CA1: variants seen among roughly 807,000 people sequenced by gnomAD.
CA1 encodes carbonic anhydrase 1.
A neutral mutation model predicts 28.8 loss-of-function variants in CA1; 27 were observed. The ratio of observed to expected loss-of-function variants is 0.94; its 90% CI spans 0.69 to 1.29. The LOEUF is 1.29. CA1 is among the 50% of genes most tolerant of loss of function. The pLI, the probability that CA1 is intolerant of heterozygous loss-of-function variation, is 0.00. For synonymous variants in CA1, 121 were observed against 108.8 expected (o/e 1.11, Z -0.70); for missense variants, 335 against 310.5 (o/e 1.08, Z -0.59).
intron 1 of CA1, among the ~76,000 whole-genome samples, chr8:85,376,671 A>G (rs1810429604): frequency 7.5e-6 from 1 of 133,814 alleles, no homozygotes; most frequent in Admixed American, 7.2e-5. Flanking sequence ...ATAAATAAAT[A>G]AATAAATAAA....
rs547855543 is a variant in CA1 at position 85,329,838 on chromosome 8, G to A, written c.520C>T (p.Arg174Ter). Residue 174 changes from arginine to a stop codon, truncating the protein, a stop_gained, in exon 7 of 8, where the codon CGA becomes TGA. Coordinates refer to ENST00000523022, the MANE Select transcript of CA1 (RefSeq NM_001128831.4). LOFTEE classifies it high-confidence loss of function. ...GGGTCAAAATTTGTGAATGGGGCTC[G>A]TTTGCCCTGGAAGAAAAGAATACAT... is the stretch of plus-strand genomic sequence containing the variant. ...ALQAIKTKGKRAPFTNFDPST... is the reference protein window; with the variant it reads ...ALQAIKTKGK The A allele has an allele frequency of 3.0e-5, 47 of 1,586,374 alleles. 1 individual carries two copies. In the South Asian group the frequency reaches 4.0e-4, roughly 13 times the overall value.
intron 1 of CA1, among the ~76,000 whole-genome samples, chr8:85,359,188 T>C (rs1025544004): frequency 1.3e-5 from 2 of 152,196 alleles, no homozygotes; most frequent in African/African-American, 4.8e-5. Context: ...TGTACCCTAC[T>C]CAGCAAAGCC....
At chr8:85,344,326 T>TATATA (rs71273931) in intron 1 of CA1, among the ~76,000 whole-genome samples, 3,277 of 32,940 alleles carry the variant, frequency 0.099, 300 homozygotes, top group Non-Finnish European at 0.11. Flanking sequence ...CAGTATATAA[T>TATATA]ATATAATTTG....
chr8:85,341,463 G>T (rs1564027272), intron 2 of CA1, 136 bp downstream of exon 2: 3 of 663,300 alleles, frequency 4.5e-6, no homozygotes, highest in East Asian at 5.5e-5. Context: ...TACATGCAAA[G>T]ATAGTATAAT....
intron 1 of CA1, among the ~76,000 whole-genome samples, chr8:85,343,447 T>C (rs1398545251): frequency 6.6e-6 from 1 of 152,078 alleles, no homozygotes; most frequent in Non-Finnish European, 1.5e-5. Context: ...TTCTGGAGGA[T>C]TGGATTAGGT....
chr8:85,371,157 C>T (rs991144556), intron 1 of CA1, among the ~76,000 whole-genome samples: 4 of 152,094 alleles, frequency 2.6e-5, no homozygotes, highest in Non-Finnish European at 5.9e-5. Context: ...ACTCTTCATC[C>T]TTGGAGTTTG....
At chr8:85,362,055 G>T (rs1264045418) in intron 1 of CA1, among the ~76,000 whole-genome samples, 1 of 152,074 alleles carries the variant, frequency 6.6e-6, no homozygotes, top group East Asian at 1.9e-4. Context: ...ACGTTTTTGG[G>T]GCTAAAATCA....
At chr8:85,350,903 G>A (rs1375422917) in intron 1 of CA1, among the ~76,000 whole-genome samples, 6 of 152,224 alleles carry the variant, frequency 3.9e-5, no homozygotes, top group Non-Finnish European at 5.9e-5. Context: ...CCTCCTATTG[G>A]TAATTCCTAG....
intron 1 of CA1, among the ~76,000 whole-genome samples, chr8:85,367,191 A>T (rs1053347593): frequency 6.6e-6 from 1 of 152,156 alleles, no homozygotes; most frequent in Admixed American, 6.5e-5. Context: ...CAATAAAAAA[A>T]GTTTATAAGA....
At chr8:85,352,848 T>C (rs375155075) in intron 1 of CA1, among the ~76,000 whole-genome samples, 2 of 152,084 alleles carry the variant, frequency 1.3e-5, no homozygotes, top group African/African-American at 4.8e-5. Context: ...GTATTTTTAA[T>C]AGAGATGGGG....
At chr8:85,336,823 A>T in intron 4 of CA1, 122 bp downstream of exon 4, 1 of 752,798 alleles carries the variant, frequency 1.3e-6, no homozygotes, top group Non-Finnish European at 2.5e-6. Flanking sequence ...GGAAACTGGG[A>T]GTTCCTTACT....
At chr8:85,361,432 T>C (rs1809792758) in intron 1 of CA1, among the ~76,000 whole-genome samples, 1 of 152,164 alleles carries the variant, frequency 6.6e-6, no homozygotes, top group African/African-American at 2.4e-5. Context: ...ATCTCAGCAC[T>C]TTGGGAAGCC....
chr8:85,336,518 T>C (rs1228019363), intron 4 of CA1, among the ~76,000 whole-genome samples: 1 of 152,204 alleles, frequency 6.6e-6, no homozygotes, highest in Non-Finnish European at 1.5e-5. Context: ...TGTGGTTAAA[T>C]TCGAGCTCTT....
At position 85,365,814 on chromosome 8, in the gene CA1, C is replaced by A. The variant is rs571650612; in HGVS notation, c.-25+12232G>T. Among the ~76,000 whole-genome samples the A allele has an allele frequency of 4.5e-4, 69 of 152,218 alleles. 1 individual carries two copies. Among genetic ancestry groups the A allele is most frequent in the Middle Eastern group, 3.4e-3 (1 of 294 alleles). On this transcript the variant is annotated intron_variant, in intron 1 of 7. Coordinates refer to ENST00000523022, the MANE Select transcript of CA1 (RefSeq NM_001128831.4). ...TCCATCACCCTCCTTCTTGCTAGTG[C>A]CCTGCAGGTGAGAGTCAATCAGTAG...
chr8:85,376,437 G>A (rs759205542), intron 1 of CA1, among the ~76,000 whole-genome samples: 5 of 151,952 alleles, frequency 3.3e-5, no homozygotes, highest in African/African-American at 7.3e-5. Context: ...CGAGGTAGGC[G>A]GATCATCAGA....
chr8:85,352,074 A>G (rs1043879963), intron 1 of CA1, among the ~76,000 whole-genome samples: 1 of 152,184 alleles, frequency 6.6e-6, no homozygotes, highest in Non-Finnish European at 1.5e-5. Context: ...GAAATTAGCT[A>G]TGGGTTGATT....
At chr8:85,352,554 C>G (rs1007243815) in intron 1 of CA1, among the ~76,000 whole-genome samples, 4 of 152,086 alleles carry the variant, frequency 2.6e-5, no homozygotes, top group East Asian at 1.9e-4. Flanking sequence ...AGACTGTGAC[C>G]TTGCCTTTGA....
chr8:85,339,007 C>T (rs1808803469), intron 2 of CA1, among the ~76,000 whole-genome samples: 1 of 152,086 alleles, frequency 6.6e-6, no homozygotes, highest in Non-Finnish European at 1.5e-5. Context: ...TGAGCCACTG[C>T]ACCCGGCCCC....
At chr8:85,352,686 A>C (rs1374635224) in intron 1 of CA1, among the ~76,000 whole-genome samples, 1 of 116,524 alleles carries the variant, frequency 8.6e-6, no homozygotes. Flanking sequence ...TTTTTTTTTG[A>C]GACATAGTCT....
Sources: allele counts gnomAD v4.1 joint callset (sites outside exome capture counted in the v4.1 genomes callset), GRCh38; gene constraint gnomAD v4.1.1; transcripts MANE v1.5; gene names NCBI Gene and HGNC (gene_info 2026-07-23, HGNC 2026-07-21).